The following CPQ variants were observed in gnomAD, a reference collection of about 807,000 sequenced individuals.
CPQ encodes the protein Ser-Met dipeptidase.
In CPQ, 37 loss-of-function variants were observed where a neutral mutation model predicts 45.7. The observed-to-expected ratio is 0.81, with a 90% CI of 0.62 to 1.07. The LOEUF is 1.07. CPQ is among the 50% of genes least tolerant of loss of function. CPQ has a pLI of 0.00. For synonymous variants in CPQ, 186 were observed against 205.8 expected, an observed-to-expected ratio of 0.90 and a Z score of 0.82; for missense variants, 537 against 572.9, an observed-to-expected ratio of 0.94 and a Z score of 0.64.
intron 2 of CPQ, among the ~76,000 whole-genome samples, chr8:96,831,316 CTG>C (rs1173968525): frequency 6.6e-6 from 1 of 151,962 alleles, no homozygotes; most frequent in Admixed American, 6.6e-5. Flanking sequence ...AGGGGTACAA[CTG>C]GAAACTGATA....
intron 4 of CPQ, among the ~76,000 whole-genome samples, chr8:96,922,638 A>G (rs1380026916): frequency 6.6e-6 from 1 of 152,210 alleles, no homozygotes; most frequent in Non-Finnish European, 1.5e-5. Context: ...GTTTGAAAGG[A>G]GTAAATGTAT....
At chr8:96,774,151 A>G (rs1276066178) in intron 1 of CPQ, among the ~76,000 whole-genome samples, 3 of 152,006 alleles carry the variant, frequency 2.0e-5, no homozygotes, top group Admixed American at 6.6e-5. Flanking sequence ...CATGCCTGTA[A>G]TCCCAGCTAC....
At chr8:96,808,673 C>T (rs550938030) in intron 2 of CPQ, among the ~76,000 whole-genome samples, 11 of 152,050 alleles carry the variant, frequency 7.2e-5, no homozygotes, top group Admixed American at 6.6e-4. Context: ...TCGTGGTGGC[C>T]GTAAGATGTG....
chr8:96,740,892 A>C (rs1267666750), intron 1 of CPQ, among the ~76,000 whole-genome samples: 1 of 152,108 alleles, frequency 6.6e-6, no homozygotes, highest in Non-Finnish European at 1.5e-5. Flanking sequence ...TTTTTGCATC[A>C]ATGTTCATCA....
chr8:96,748,357 C>G (rs987795563), intron 1 of CPQ, among the ~76,000 whole-genome samples: 2 of 151,986 alleles, frequency 1.3e-5, no homozygotes, highest in Admixed American at 1.3e-4. Flanking sequence ...TTTTATCTCC[C>G]AAATTTTTAC....
chr8:96,821,253 C>T lies in CPQ; in HGVS notation c.434-13720C>T, dbSNP rs1234308384. ...TCTCATTCTGTGTGTTGTCTTTTCA[C>T]TTTGTCGATTGTTTGCTGTGCAGAA... On this transcript the variant is annotated intron_variant, in intron 2 of 7. Transcript: ENST00000220763. Among the ~76,000 whole-genome samples the T allele has an allele frequency of 2.1e-5, 3 of 146,090 alleles. No homozygotes were observed. In the Admixed American group the frequency reaches 2.1e-4, roughly 10 times the overall value.
chr8:97,012,334 A>T (rs552247668), intron 5 of CPQ, among the ~76,000 whole-genome samples: 11 of 152,224 alleles, frequency 7.2e-5, no homozygotes, highest in Non-Finnish European at 1.5e-4. Context: ...ATGCTTGTGC[A>T]TCCAAGAAGG....
At chr8:96,868,186 TG>T (rs1395133155) in intron 3 of CPQ, among the ~76,000 whole-genome samples, 8 of 152,054 alleles carry the variant, frequency 5.3e-5, no homozygotes, top group Non-Finnish European at 1.2e-4. Context: ...CTAATTGGCC[TG>T]GGATGGATAG....
intron 6 of CPQ, among the ~76,000 whole-genome samples, chr8:97,065,040 C>T (rs1010775159): frequency 2.0e-5 from 3 of 152,052 alleles, no homozygotes; most frequent in Admixed American, 6.6e-5. Flanking sequence ...GCTCTCTGGA[C>T]GCAATGTACA....
chr8:97,057,177 A>G (rs1810467828), intron 6 of CPQ, among the ~76,000 whole-genome samples: 1 of 152,194 alleles, frequency 6.6e-6, no homozygotes, highest in Non-Finnish European at 1.5e-5. Flanking sequence ...ACAAAAATGT[A>G]TAGTCACCCT....
Position 97,136,000 on chromosome 8 carries a change from A to G in CPQ, c.1256-7020A>G, listed in dbSNP as rs1201463843. ...CCCACCCATCTCTTCAGGAATTAGC[A>G]GGTATTCAGTCTTGTTCCAACATTC... On this transcript the variant is annotated intron_variant, in intron 7 of 7. Coordinates refer to ENST00000220763, the MANE Select transcript of CPQ (RefSeq NM_016134.4). 2.0e-5 allele frequency among the ~76,000 whole-genome samples: 3 copies of G among 152,222 alleles called. 1 individual carries two copies. In the South Asian group the frequency reaches 6.2e-4, roughly 31 times the overall value.
At chr8:96,841,383 T>A (rs764739139) in intron 3 of CPQ, among the ~76,000 whole-genome samples, 25 of 152,322 alleles carry the variant, frequency 1.6e-4, no homozygotes, top group Non-Finnish European at 3.4e-4. Context: ...GCATGCGAGC[T>A]CAAGAATGCA....
chr8:97,084,907 T>C (rs977417638), intron 7 of CPQ, among the ~76,000 whole-genome samples: 3 of 152,050 alleles, frequency 2.0e-5, no homozygotes, highest in Non-Finnish European at 4.4e-5. Flanking sequence ...CTCTTACCCA[T>C]CTACACACCT....
At position 96,835,099 on chromosome 8, in the gene CPQ, G is replaced by T; in HGVS notation, c.560G>T (p.Arg187Leu). Residue 187 changes from arginine (R) to leucine (L), a missense_variant, in exon 3 of 8, where the codon CGA becomes CTA. By Grantham distance (102) the Arg-to-Leu change is moderately radical (BLOSUM62 -2). Coordinates refer to ENST00000220763, the MANE Select transcript of CPQ (RefSeq NM_016134.4). ...YINYSRTVQY[R>L]TQGAVEAAKV... ...AACTACTCAAGGACGGTGCAATACC[G>T]AACGCAGGGGGCGGTGGAAGCTGCC... is the stretch of plus-strand genomic sequence containing the variant. 1.2e-5 allele frequency: 19 copies of T among 1,599,924 alleles called. No homozygotes were observed. The highest frequency in any genetic ancestry group is 1.5e-5 in the Non-Finnish European group (18 of 1,172,938).
intron 1 of CPQ, among the ~76,000 whole-genome samples, chr8:96,690,132 A>AT: frequency 6.6e-6 from 1 of 151,624 alleles, no homozygotes; most frequent in East Asian, 1.9e-4. Flanking sequence ...GTATGTGCTT[A>AT]TTTTTTTGTT....
intron 1 of CPQ, among the ~76,000 whole-genome samples, chr8:96,773,836 G>A (rs1181742740): frequency 6.6e-6 from 1 of 152,126 alleles, no homozygotes; most frequent in Non-Finnish European, 1.5e-5. Context: ...CTCACACATG[G>A]AAGGGACAGA....
intron 2 of CPQ, among the ~76,000 whole-genome samples, chr8:96,797,565 A>G (rs1429272828): frequency 6.6e-6 from 1 of 152,212 alleles, no homozygotes; most frequent in Non-Finnish European, 1.5e-5. Context: ...CTCCAAGGGC[A>G]TTCTGATGGA....
chr8:96,945,271 T>A (rs55647325), intron 4 of CPQ, among the ~76,000 whole-genome samples: 91 of 152,256 alleles, frequency 6.0e-4, no homozygotes, highest in African/African-American at 2.1e-3. Context: ...GGGAGATCCA[T>A]GAGGATGTTG....
chr8:96,959,316 A>G (rs976384258), intron 4 of CPQ, among the ~76,000 whole-genome samples: 1 of 152,220 alleles, frequency 6.6e-6, no homozygotes, highest in Non-Finnish European at 1.5e-5. Context: ...TGATTAGAAT[A>G]GAAGAGGAAT....
Sources: allele counts gnomAD v4.1 joint callset (sites outside exome capture counted in the v4.1 genomes callset), GRCh38; gene constraint gnomAD v4.1.1; transcripts MANE v1.5; gene names NCBI Gene and HGNC (gene_info 2026-07-23, HGNC 2026-07-21).